MECOM: variants seen among roughly 807,000 people sequenced by gnomAD.
The protein encoded by MECOM is histone-lysine N-methyltransferase MECOM.
MECOM carries 13 observed loss-of-function variants against 116.3 expected under a neutral mutation model. The observed-to-expected ratio is 0.11, with a 90% CI of 0.07 to 0.18. The LOEUF (loss-of-function observed/expected upper bound fraction) is 0.18, where lower values mean the gene tolerates loss of function less well. Ranked by LOEUF, MECOM falls within the 10% of genes least tolerant of loss-of-function variation. The probability of loss-of-function intolerance (pLI) is 1.00; values close to 1 mark genes in which losing one functional copy is unlikely to be tolerated. For missense variants in MECOM, 1,299 were observed against 1,509.0 expected, an observed-to-expected ratio of 0.86 and a Z score of 2.31; for synonymous variants, 528 against 535.2, an observed-to-expected ratio of 0.99 and a Z score of 0.19.
chr3:169,101,348 A>G (rs994784716), intron 11 of MECOM, among the ~76,000 whole-genome samples: 12 of 152,202 alleles, frequency 7.9e-5, no homozygotes, highest in African/African-American at 2.9e-4. Flanking sequence ...CAAATGTTTC[A>G]ACTCATTTTA....
At chr3:169,436,245 CTTTTTTT>C (rs11349670) in intron 1 of MECOM, among the ~76,000 whole-genome samples, 1 of 93,650 alleles carries the variant, frequency 1.1e-5, no homozygotes, top group Non-Finnish European at 2.0e-5. Flanking sequence ...GGCTAAATCG[CTTTTTTT>C]TTTTTTTTTT....
rs540189181 is a variant in MECOM, at chr3:169,600,105, G to A, written c.37+63231C>T. On this transcript the variant is annotated intron_variant, in intron 1 of 16. Transcript: ENST00000651503. ...TCGTGCCTCAGCCACCCGAGTAGCT[G>A]GGATTAGCTGTGTGTGCCACCACAC... 2.7e-3 allele frequency among the ~76,000 whole-genome samples: 417 copies of A among 152,150 alleles called. 1 individual carries two copies. The highest frequency in any genetic ancestry group is 4.7e-3 in the Non-Finnish European group (320 of 68,002).
chr3:169,535,441 G>C (rs1301929337), intron 1 of MECOM, among the ~76,000 whole-genome samples: 1 of 152,102 alleles, frequency 6.6e-6, no homozygotes, highest in African/African-American at 2.4e-5. Flanking sequence ...TATAGGTAGA[G>C]ACATGCAGCC....
intron 2 of MECOM, among the ~76,000 whole-genome samples, chr3:169,377,206 C>T (rs1176802333): frequency 6.6e-6 from 1 of 152,100 alleles, no homozygotes; most frequent in Non-Finnish European, 1.5e-5. Flanking sequence ...ACATGTAAGA[C>T]CTAAAACCAT....
intron 1 of MECOM, among the ~76,000 whole-genome samples, chr3:169,624,866 C>T (rs972778867): frequency 3.9e-5 from 6 of 152,108 alleles, no homozygotes; most frequent in Non-Finnish European, 7.4e-5. Flanking sequence ...CCTTGCTTTA[C>T]TTTACTAATG....
intron 1 of MECOM, among the ~76,000 whole-genome samples, chr3:169,600,829 G>T (rs962720376): frequency 6.6e-6 from 1 of 152,206 alleles, no homozygotes; most frequent in African/African-American, 2.4e-5. Context: ...ATGGCTAAAT[G>T]TTTGAATAAA....
chr3:169,407,119 T>A (rs540047381), intron 1 of MECOM, among the ~76,000 whole-genome samples: 2 of 152,288 alleles, frequency 1.3e-5, no homozygotes, highest in South Asian at 4.1e-4. Context: ...AGTGCTGGGA[T>A]TACAGGTGTG....
chr3:169,136,375 A>G (rs1736378868), intron 3 of MECOM, among the ~76,000 whole-genome samples: 1 of 151,238 alleles, frequency 6.6e-6, no homozygotes, highest in Non-Finnish European at 1.5e-5. Context: ...TTCATGGCAC[A>G]TGATTAATTC....
intron 3 of MECOM, chr3:169,131,753 CT>C: frequency 1.6e-6 from 1 of 642,576 alleles, no homozygotes; most frequent in Non-Finnish European, 2.4e-6. Flanking sequence ...GTTCACAAAT[CT>C]TTTCCAAATC....
chr3:169,644,139 A>G (rs1295240734), intron 1 of MECOM, among the ~76,000 whole-genome samples: 1 of 152,180 alleles, frequency 6.6e-6, no homozygotes, highest in Non-Finnish European at 1.5e-5. Context: ...CTTAAAATAC[A>G]TAGATTATCT....
chr3:169,599,856 T>C (rs1767616459), intron 1 of MECOM, among the ~76,000 whole-genome samples: 1 of 152,246 alleles, frequency 6.6e-6, no homozygotes, highest in Non-Finnish European at 1.5e-5. Flanking sequence ...ATCATTATAA[T>C]TTCCTTTGTC....
At chr3:169,658,502 C>T (rs1014483994) in intron 1 of MECOM, among the ~76,000 whole-genome samples, 1 of 152,206 alleles carries the variant, frequency 6.6e-6, no homozygotes, top group Non-Finnish European at 1.5e-5. Flanking sequence ...TCAATGTAAA[C>T]CCAGCTCCGA....
intron 1 of MECOM, among the ~76,000 whole-genome samples, chr3:169,501,035 G>A (rs999901206): frequency 1.2e-4 from 18 of 151,936 alleles, no homozygotes; most frequent in African/African-American, 3.1e-4. Flanking sequence ...GCATTTGTCC[G>A]TAGAATTCAG....
chr3:169,500,149 C>G (rs1469897742), intron 1 of MECOM, among the ~76,000 whole-genome samples: 1 of 151,906 alleles, frequency 6.6e-6, no homozygotes, highest in Non-Finnish European at 1.5e-5. Context: ...TTAGAAAAAG[C>G]CTATTTATTA....
intron 2 of MECOM, among the ~76,000 whole-genome samples, chr3:169,182,571 T>C (rs187585473): frequency 6.6e-6 from 1 of 152,350 alleles, no homozygotes; most frequent in Non-Finnish European, 1.5e-5. Context: ...AAATTCCCTT[T>C]AATTTTGGTG....
At chr3:169,267,632 G>A (rs1304385291) in intron 2 of MECOM, among the ~76,000 whole-genome samples, 1 of 152,166 alleles carries the variant, frequency 6.6e-6, no homozygotes, top group Non-Finnish European at 1.5e-5. Context: ...AGCTCAAGGT[G>A]ATTGAAGTAA....
Position 169,567,213 on chromosome 3 carries a change from T to A in MECOM, c.37+96123A>T, listed in dbSNP as rs550952614. 5.1e-4 allele frequency among the ~76,000 whole-genome samples: 77 copies of A among 152,396 alleles called. No homozygotes were observed. The Middle Eastern group carries it at 0.01, about 20-fold the overall frequency. ...CACTAACAAAAAGTGGCATCAAAGCTCTGCCAGTTTCCAAATACTTTTAAA... is the reference window on the plus strand; with the variant it reads ...CACTAACAAAAAGTGGCATCAAAGCACTGCCAGTTTCCAAATACTTTTAAA... On this transcript the variant is annotated intron_variant, in intron 1 of 16. Coordinates refer to ENST00000651503, the MANE Select transcript of MECOM (RefSeq NM_004991.4).
rs994014633 is a variant in MECOM, at chr3:169,305,417, G to GA, written c.375+75769dup. Among the ~76,000 whole-genome samples the GA allele has an allele frequency of 1.2e-4, 18 of 151,828 alleles. No individual in the cohort carries two copies. The East Asian group carries it at 2.9e-3, about 25-fold the overall frequency. On this transcript the variant is annotated intron_variant, in intron 2 of 16. Coordinates refer to ENST00000651503, the MANE Select transcript of MECOM (RefSeq NM_004991.4). ...AATGATTGCCTAATTGTGGGGGCTG[G>GA]AAAAAAAATCCCAACACAAGGAAGC...
At chr3:169,235,178 G>A (rs1425692584) in intron 2 of MECOM, among the ~76,000 whole-genome samples, 2 of 152,096 alleles carry the variant, frequency 1.3e-5, no homozygotes, top group Non-Finnish European at 2.9e-5. Flanking sequence ...TCATCAATGT[G>A]ATTTTTACTT....
Sources: gnomAD v4.1 joint callset for allele counts (sites outside exome capture counted in the v4.1 genomes callset) on GRCh38, gnomAD v4.1.1 for gene constraint, MANE v1.5 for transcripts, NCBI Gene and HGNC (gene_info 2026-07-23, HGNC 2026-07-21) for gene names.